GPR176: variants seen among roughly 807,000 people sequenced by gnomAD.
The protein encoded by GPR176 is G protein-coupled receptor 176.
A neutral mutation model predicts 35.4 loss-of-function variants in GPR176; 26 were observed. The ratio of observed to expected loss-of-function variants is 0.74; its 90% CI spans 0.54 to 1.02. The LOEUF (loss-of-function observed/expected upper bound fraction) is 1.02. Ranked by LOEUF, GPR176 falls within the 50% of genes least tolerant of loss-of-function variation. GPR176 has a pLI of 0.00. For missense variants in GPR176, 597 were observed against 665.3 expected (o/e 0.90, Z 1.13); for synonymous variants, 278 against 271.3 (o/e 1.02, Z -0.24).
Position 39,807,262 on chromosome 15 carries a change from G to A in GPR176, c.173-4C>T, listed in dbSNP as rs1899254629. 12 of 1,484,572 alleles carry A rather than the reference G, an allele frequency of 8.1e-6. No individual in the cohort carries two copies. Among genetic ancestry groups the A allele is most frequent in the South Asian group, 1.4e-5 (1 of 69,464 alleles). 92.0% of individuals were successfully genotyped at this position (1,484,572 alleles called of 1,614,324 possible). ...GACCATAACACCATGAAGTTTCCTG[G>A]TCAGATATGAAAGAAAATAAAATAA... On this transcript the variant is annotated splice_polypyrimidine_tract_variant and splice_region_variant and intron_variant, in intron 1 of 2. Transcript: ENST00000561100.
At chr15:39,828,523 G>A (rs558233231) in intron 1 of GPR176, among the ~76,000 whole-genome samples, 8 of 152,288 alleles carry the variant, frequency 5.3e-5, no homozygotes, top group African/African-American at 1.7e-4. Context: ...TGGAGGGGCC[G>A]CCAACAGGGA....
At chr15:39,807,382 T>A in intron 1 of GPR176, 124 bp from the exon 2 acceptor site, 2 of 718,836 alleles carry the variant, frequency 2.8e-6, no homozygotes, top group Non-Finnish European at 4.2e-6. Context: ...AGATTTAATG[T>A]AAATCCTAAT....
intron 1 of GPR176, among the ~76,000 whole-genome samples, chr15:39,877,709 C>G (rs763576396): frequency 6.6e-6 from 1 of 151,974 alleles, no homozygotes; most frequent in Admixed American, 6.6e-5. Context: ...TACAGGCAGA[C>G]GCCACCACAC....
rs761833974 is a variant in GPR176, at chr15:39,919,856, G to A, written c.171C>T (p.Leu57=). The A allele has an allele frequency of 5.6e-6, 8 of 1,422,564 alleles. No individual in the cohort carries two copies. In the South Asian group the frequency reaches 6.4e-5, roughly 11 times the overall value. 88.1% of individuals were successfully genotyped at this position (1,422,564 alleles called of 1,614,324 possible). Residue 57 remains leucine, a splice_region_variant and synonymous_variant, in exon 1 of 3, where the codon CTC becomes CTT. Transcript: ENST00000561100. ...VQVVIFIGSL[L]GNFMVLWSTC... is the part of the protein sequence containing the mutation. ...GGAGGCGCCCCGCGGGAGGCTTACC[G>A]AGCAGCGAGCCTATGAAGATGACGA...
At chr15:39,856,482 T>C (rs1485727457) in intron 1 of GPR176, among the ~76,000 whole-genome samples, 2 of 152,212 alleles carry the variant, frequency 1.3e-5, no homozygotes, top group Non-Finnish European at 2.9e-5. Flanking sequence ...CTCAGGAGAC[T>C]ATGGTCAAGC....
At chr15:39,909,809 C>CT in intron 1 of GPR176, 1 of 509,360 alleles carries the variant, frequency 2.0e-6, no homozygotes, top group Non-Finnish European at 2.5e-6. Context: ...AAATAACTAG[C>CT]TTTTTTTCAC....
chr15:39,842,508 T>C (rs897322716), intron 1 of GPR176, among the ~76,000 whole-genome samples: 2 of 152,032 alleles, frequency 1.3e-5, no homozygotes, highest in Admixed American at 6.6e-5. Flanking sequence ...GTGAAGGTAT[T>C]TGGAGGTGGG....
chr15:39,818,923 C>T (rs950073324), intron 1 of GPR176, among the ~76,000 whole-genome samples: 2 of 152,222 alleles, frequency 1.3e-5, no homozygotes, highest in Non-Finnish European at 2.9e-5. Context: ...GATGCTTTCT[C>T]TCTGGTTGCT....
intron 1 of GPR176, among the ~76,000 whole-genome samples, chr15:39,881,885 C>T (rs1007737252): frequency 2.0e-5 from 3 of 152,162 alleles, no homozygotes; most frequent in Non-Finnish European, 4.4e-5. Flanking sequence ...GAAGTTGGTC[C>T]CAGCAGCTGC....
intron 1 of GPR176, among the ~76,000 whole-genome samples, chr15:39,895,236 G>A (rs1408366929): frequency 7.0e-6 from 1 of 143,690 alleles, no homozygotes; most frequent in African/African-American, 2.6e-5. Context: ...GAGACCGTGG[G>A]GAGAGGGAGA....
At chr15:39,820,549 C>T (rs1220478529) in intron 1 of GPR176, among the ~76,000 whole-genome samples, 2 of 152,064 alleles carry the variant, frequency 1.3e-5, no homozygotes, top group Admixed American at 1.3e-4. Flanking sequence ...TGGCCTAGAC[C>T]CAGAATATCT....
Position 39,866,811 on chromosome 15 carries a change from TG to T in GPR176, c.172+53043del, listed in dbSNP as rs150076710. ...GTACTATTTTAAATGATACCATAAATGTGTGAAGAAATAAATCACTGAAACA... is the reference window on the plus strand; with the variant it reads ...GTACTATTTTAAATGATACCATAAATTGTGAAGAAATAAATCACTGAAACA... On this transcript the variant is annotated intron_variant, in intron 1 of 2. Transcript: ENST00000561100. Among the ~76,000 whole-genome samples the T allele has an allele frequency of 3.0e-3, 458 of 152,282 alleles. 5 individuals are homozygous for T. The East Asian group carries it at 0.032, about 11-fold the overall frequency.
At chr15:39,870,415 A>G (rs1411220901) in intron 1 of GPR176, among the ~76,000 whole-genome samples, 2 of 152,204 alleles carry the variant, frequency 1.3e-5, no homozygotes, top group Admixed American at 1.3e-4. Flanking sequence ...AGAGCAGCAA[A>G]AGGGAATGAC....
chr15:39,909,040 T>A (rs2033504483), intron 1 of GPR176, among the ~76,000 whole-genome samples: 2 of 152,182 alleles, frequency 1.3e-5, no homozygotes. Context: ...CAATATTCCC[T>A]CTGTAATCTT....
At chr15:39,909,657 T>A (rs2033524683) in intron 1 of GPR176, among the ~76,000 whole-genome samples, 1 of 152,214 alleles carries the variant, frequency 6.6e-6, no homozygotes, top group South Asian at 2.1e-4. Flanking sequence ...TAGTTCTGGT[T>A]CTCAAAATAA....
intron 1 of GPR176, among the ~76,000 whole-genome samples, chr15:39,819,643 T>C (rs1355704882): frequency 2.0e-5 from 3 of 152,218 alleles, no homozygotes; most frequent in Non-Finnish European, 4.4e-5. Context: ...TATTCAACAA[T>C]GATACATCAT....
intron 1 of GPR176, among the ~76,000 whole-genome samples, chr15:39,892,813 C>T (rs2032925905): frequency 6.6e-6 from 1 of 152,230 alleles, no homozygotes. Flanking sequence ...TGATTTCAGA[C>T]TTCTGGTCTC....
At chr15:39,802,552 T>C (rs1056164606) in intron 2 of GPR176, among the ~76,000 whole-genome samples, 16 of 152,240 alleles carry the variant, frequency 1.1e-4, no homozygotes, top group African/African-American at 3.9e-4. Context: ...GCTTTATAAT[T>C]ATTGCTACCA....
chr15:39,900,396 G>A (rs923837201), intron 1 of GPR176, among the ~76,000 whole-genome samples: 1 of 152,142 alleles, frequency 6.6e-6, no homozygotes, highest in Admixed American at 6.5e-5. Context: ...CTCATGTTAA[G>A]ATTACAAGTT....
Sources: allele counts gnomAD v4.1 joint callset (sites outside exome capture counted in the v4.1 genomes callset), GRCh38; gene constraint gnomAD v4.1.1; transcripts MANE v1.5; gene names NCBI Gene and HGNC (gene_info 2026-07-23, HGNC 2026-07-21).